The following EPB41L4A variants were observed in gnomAD, a reference collection of about 807,000 sequenced individuals.
EPB41L4A encodes the protein erythrocyte membrane protein band 4.1 like 4A.
A neutral mutation model predicts 108.6 loss-of-function variants in EPB41L4A; 100 were observed. The observed-to-expected ratio is 0.92, with a 90% CI of 0.78 to 1.09. EPB41L4A has a LOEUF of 1.09. Among genes scored for constraint, EPB41L4A ranks in the 50% least tolerant of loss-of-function variants. EPB41L4A has a pLI of 0.00. For synonymous variants in EPB41L4A, 319 were observed against 289.0 expected, an observed-to-expected ratio of 1.10 and a Z score of -1.05; for missense variants, 1,030 against 842.7, an observed-to-expected ratio of 1.22 and a Z score of -2.75.
intron 1 of EPB41L4A, among the ~76,000 whole-genome samples, chr5:112,366,530 C>T (rs1759132055): frequency 1.3e-5 from 2 of 151,940 alleles, no homozygotes; most frequent in African/African-American, 4.8e-5. Context: ...TCCAGGGAGA[C>T]CAGTGATTGT....
chr5:112,284,611 G>T (rs901502867), intron 2 of EPB41L4A, among the ~76,000 whole-genome samples: 1 of 152,142 alleles, frequency 6.6e-6, no homozygotes, highest in African/African-American at 2.4e-5. Context: ...CCATTTTGTA[G>T]GAAGGTAACA....
At chr5:112,325,120 C>G (rs1756059121) in intron 1 of EPB41L4A, among the ~76,000 whole-genome samples, 1 of 149,156 alleles carries the variant, frequency 6.7e-6, no homozygotes, top group Non-Finnish European at 1.5e-5. Flanking sequence ...TGTAGTCATC[C>G]AAACTGCGAG....
chr5:112,150,525 T>TA lies in EPB41L4A; in HGVS notation n.995-4528_995-4527insT, dbSNP rs1246666293. On this transcript the variant is annotated intron_variant and non_coding_transcript_variant, in intron 12 of 13. Transcript: ENST00000507810. ...ACATTAAAAACTCAGTATTAACAGCTGAAAAGAGAATTAGTGAGTTGGAAG... is the reference window on the plus strand; with the variant it reads ...ACATTAAAAACTCAGTATTAACAGCTAGAAAAGAGAATTAGTGAGTTGGAAG... 2.6e-5 allele frequency among the ~76,000 whole-genome samples: 4 copies of TA among 152,092 alleles called. No homozygotes were observed. The East Asian group carries it at 7.7e-4, about 29-fold the overall frequency.
At chr5:112,340,815 G>A (rs553766813) in intron 1 of EPB41L4A, among the ~76,000 whole-genome samples, 4 of 152,090 alleles carry the variant, frequency 2.6e-5, no homozygotes, top group East Asian at 3.9e-4. Flanking sequence ...ATTCAATTTC[G>A]ACAGCAAGCC....
chr5:112,168,969 T>C (rs1760412705), intron 21 of EPB41L4A, 26 bp downstream of exon 21: 2 of 1,553,186 alleles, frequency 1.3e-6, no homozygotes, highest in African/African-American at 1.4e-5. Context: ...ATGATGGTGA[T>C]GGTGTACTCT....
chr5:112,320,214 A>T (rs373481598), intron 1 of EPB41L4A, among the ~76,000 whole-genome samples: 1 of 152,178 alleles, frequency 6.6e-6, no homozygotes, highest in East Asian at 1.9e-4. Context: ...CAACTCTCTC[A>T]GTCCTTTCAT....
At chr5:112,165,569 T>A (rs1760193550) in intron 22 of EPB41L4A, among the ~76,000 whole-genome samples, 1 of 152,172 alleles carries the variant, frequency 6.6e-6, no homozygotes, top group Non-Finnish European at 1.5e-5. Flanking sequence ...GGGCAGCTCA[T>A]TACCAGAGCC....
At chr5:112,149,830 T>A (rs1759399104) in intron 12 of EPB41L4A, among the ~76,000 whole-genome samples, 1 of 152,172 alleles carries the variant, frequency 6.6e-6, no homozygotes, top group African/African-American at 2.4e-5. Flanking sequence ...GTTCTGGAGC[T>A]GGGATTTGCC....
chr5:112,391,333 A>G (rs185162215), intron 1 of EPB41L4A, among the ~76,000 whole-genome samples: 1 of 152,208 alleles, frequency 6.6e-6, no homozygotes, highest in Non-Finnish European at 1.5e-5. Context: ...AACTTTGAAA[A>G]AAGATGAGAT....
intron 18 of EPB41L4A, among the ~76,000 whole-genome samples, chr5:112,177,345 T>C (rs1369241711): frequency 6.6e-6 from 1 of 152,250 alleles, no homozygotes; most frequent in Non-Finnish European, 1.5e-5. Context: ...ACTCTTCCTC[T>C]TCTGTCACCT....
intron 1 of EPB41L4A, among the ~76,000 whole-genome samples, chr5:112,329,450 A>G (rs1756406998): frequency 6.6e-6 from 1 of 152,128 alleles, no homozygotes; most frequent in Non-Finnish European, 1.5e-5. Flanking sequence ...AACCCTCCCT[A>G]TTTAGTCCTG....
intron 1 of EPB41L4A, among the ~76,000 whole-genome samples, chr5:112,372,628 A>G (rs1015627883): frequency 6.6e-6 from 1 of 152,206 alleles, no homozygotes; most frequent in Non-Finnish European, 1.5e-5. Context: ...GTGGAGGGGA[A>G]AGTGGTCCAA....
At chr5:112,292,038 T>C (rs1348374560) in intron 2 of EPB41L4A, among the ~76,000 whole-genome samples, 1 of 152,214 alleles carries the variant, frequency 6.6e-6, no homozygotes. Flanking sequence ...GGAAGAAGCC[T>C]TCACAAAACT....
intron 1 of EPB41L4A, among the ~76,000 whole-genome samples, chr5:112,356,029 G>A (rs1179515831): frequency 6.6e-6 from 1 of 152,042 alleles, no homozygotes; most frequent in African/African-American, 2.4e-5. Context: ...CACTCCACTT[G>A]GGTAGCTGGA....
rs1328816326 is a variant in EPB41L4A, at chr5:112,164,976, A to C, written c.*14T>G. ...CACAACCTTCCCACCCCTACCCTTG[A>C]CCCTTCATCAGGATCAAGTCTCTGT... On this transcript the variant is annotated 3_prime_UTR_variant, in exon 23 of 23. Transcript: ENST00000261486. The C allele has an allele frequency of 1.9e-6, 3 of 1,608,574 alleles. No individual in the cohort carries two copies. The highest frequency in any genetic ancestry group is 2.5e-6 in the Non-Finnish European group (3 of 1,178,366).
At chr5:112,400,180 AAG>A (rs1446917001) in intron 1 of EPB41L4A, among the ~76,000 whole-genome samples, 2 of 152,076 alleles carry the variant, frequency 1.3e-5, no homozygotes, top group Non-Finnish European at 2.9e-5. Context: ...GGTGGTAGGA[AAG>A]AGAGAGGGGG....
chr5:112,224,278 G>A (rs1271225201), intron 12 of EPB41L4A, among the ~76,000 whole-genome samples: 1 of 151,942 alleles, frequency 6.6e-6, no homozygotes, highest in Non-Finnish European at 1.5e-5. Flanking sequence ...TGGCTAGAAG[G>A]TTTTTCCAAA....
chr5:112,403,156 G>A lies in EPB41L4A; in HGVS notation c.99+15785C>T, dbSNP rs142765065. Among the ~76,000 whole-genome samples, 173 of 152,132 alleles carry A rather than the reference G, an allele frequency of 1.1e-3. 1 individual carries two copies. Among genetic ancestry groups the A allele is most frequent in the African/African-American group, 4.0e-3 (165 of 41,512 alleles). On this transcript the variant is annotated intron_variant, in intron 1 of 22. Coordinates refer to ENST00000261486, the MANE Select transcript of EPB41L4A (RefSeq NM_022140.5). Reference sequence around the variant, plus strand: ...AAGGGGATTGATCCACTGTCAACCTGGAGGCTGGTTTCCTTTATAGCTGTT... The same window carrying A: ...AAGGGGATTGATCCACTGTCAACCTAGAGGCTGGTTTCCTTTATAGCTGTT...
At chr5:112,371,093 T>G (rs79277954) in intron 1 of EPB41L4A, among the ~76,000 whole-genome samples, 1 of 152,194 alleles carries the variant, frequency 6.6e-6, no homozygotes, top group South Asian at 2.1e-4. Context: ...CCATATTATA[T>G]AATTTCTGTA....
Sources: allele counts gnomAD v4.1 joint callset (sites outside exome capture counted in the v4.1 genomes callset), GRCh38; gene constraint gnomAD v4.1.1; transcripts MANE v1.5; gene names NCBI Gene and HGNC (gene_info 2026-07-23, HGNC 2026-07-21).